Variants in XG observed in about 807,000 individuals in gnomAD.
The protein encoded by XG is Xg glycoprotein (Xg blood group).
XG carries 24 observed loss-of-function variants against 25.7 expected under a neutral mutation model. The ratio of observed to expected loss-of-function variants is 0.93; its 90% confidence interval spans 0.68 to 1.31. The LOEUF (loss-of-function observed/expected upper bound fraction) is 1.31, where lower values mean the gene tolerates loss of function less well. Ranked by LOEUF, XG falls within the 40% of genes most tolerant of loss-of-function variation. The probability of loss-of-function intolerance (pLI) is 0.00; values close to 1 mark genes in which losing one functional copy is unlikely to be tolerated. For synonymous variants in XG, 77 were observed against 69.2 expected (o/e 1.11, Z -0.56); for missense variants, 181 against 187.6 (o/e 0.96, Z 0.21).
chrX:2,781,792 A>G, intron 3 of XG, among the ~76,000 whole-genome samples: 1 of 112,395 alleles, frequency 8.9e-6, no homozygotes, highest in Middle Eastern at 4.6e-3. Context: ...ACTTGCTTCC[A>G]TCATGGCAGA....
chrX:2,800,785 C>T (rs1415097943), intron 7 of XG, among the ~76,000 whole-genome samples: 1 of 110,966 alleles, frequency 9.0e-6, no homozygotes, highest in Non-Finnish European at 1.9e-5. Flanking sequence ...TTCAGGAGTT[C>T]AAGACCAGCC....
chrX:2,801,326 AGAGAGAGAGG>A (rs1230003163), intron 7 of XG, among the ~76,000 whole-genome samples: 1 of 109,362 alleles, frequency 9.1e-6, no homozygotes, highest in Non-Finnish European at 1.9e-5. Flanking sequence ...GCTCCTTGCA[AGAGAGAGAGG>A]GAGAGAGAGA....
chrX:2,808,292 T>C, intron 9 of XG, 72 bp downstream of exon 9: 1 of 1,140,554 alleles, frequency 8.8e-7, no homozygotes, highest in East Asian at 3.0e-5. Context: ...TGGGAGGAGC[T>C]GTGTGGGCTT....
At chrX:2,760,411 T>C (rs1330354270) in intron 1 of XG, among the ~76,000 whole-genome samples, 1 of 151,818 alleles carries the variant, frequency 6.6e-6, no homozygotes, top group African/African-American at 2.4e-5. Context: ...GGACCTCCAA[T>C]TGTGACTGTG....
At chrX:2,760,968 C>A (rs1421392131) in intron 1 of XG, among the ~76,000 whole-genome samples, 1 of 151,616 alleles carries the variant, frequency 6.6e-6, no homozygotes, top group Non-Finnish European at 1.5e-5. Flanking sequence ...AGCTTCCAGG[C>A]CTGTGGGAGA....
chrX:2,792,033 A>C (rs760116339), intron 5 of XG, among the ~76,000 whole-genome samples: 257 of 111,211 alleles, frequency 2.3e-3, no homozygotes, highest in Middle Eastern at 4.7e-3. Flanking sequence ...AGGTAATCCC[A>C]GCACTTTGGG....
At chrX:2,792,174 T>C (rs2086843389) in intron 5 of XG, among the ~76,000 whole-genome samples, 1 of 111,201 alleles carries the variant, frequency 9.0e-6, no homozygotes, top group Admixed American at 9.6e-5. Flanking sequence ...CACAACTACT[T>C]GAGAGGCTGA....
rs774338316 is a variant in XG, at chrX:2,760,443, G to C, written c.61+8108G>C. Among the ~76,000 whole-genome samples the C allele has an allele frequency of 1.3e-3, 200 of 151,918 alleles. 1 individual carries two copies. The highest frequency in any genetic ancestry group is 4.6e-3 in the African/African-American group (192 of 41,468). On this transcript the variant is annotated intron_variant, in intron 1 of 10. Transcript: ENST00000644266. ...TGTGTTTGGAGATGGGGTCTTTAAAGAGGTGATTCAGGCTGGGTGCGGTGG... is the reference window on the plus strand; with the variant it reads ...TGTGTTTGGAGATGGGGTCTTTAAACAGGTGATTCAGGCTGGGTGCGGTGG...
At chrX:2,806,976 C>G (rs2087003336) in intron 8 of XG, among the ~76,000 whole-genome samples, 1 of 102,070 alleles carries the variant, frequency 9.8e-6, no homozygotes, top group Admixed American at 1.1e-4. Context: ...ACAGGTGTTA[C>G]TGGGTGCATG....
Position 2,752,126 on chromosome X carries a change from G to A in XG, c.-149G>A. 1 of 1,419,784 alleles carries A rather than the reference G, an allele frequency of 7.0e-7. No homozygotes were observed. Among genetic ancestry groups the A allele is most frequent in the Non-Finnish European group, 9.6e-7 (1 of 1,044,350 alleles). The allele number at this position is 1,419,784 out of a possible 1,614,324, so 87.9% of individuals were successfully genotyped here. On this transcript the variant is annotated 5_prime_UTR_variant, in exon 1 of 11. Transcript: ENST00000644266. ...GCTTGGAGCCCATTTGTTTCTGGCA[G>A]TTCCGCTCATATTTTCCACTTGAAG...
chrX:2,785,599 C>T (rs1300979958), intron 4 of XG, among the ~76,000 whole-genome samples: 1 of 110,806 alleles, frequency 9.0e-6, no homozygotes, highest in African/African-American at 3.3e-5. Context: ...AACATCAGAA[C>T]ATGGAGTATT....
intron 6 of XG, among the ~76,000 whole-genome samples, chrX:2,795,443 TTATA>T (rs1337813827): frequency 9.4e-6 from 1 of 106,084 alleles, no homozygotes; most frequent in Non-Finnish European, 1.9e-5. Context: ...GTGCCTTTAT[TTATA>T]TATGTATATA....
intron 1 of XG, among the ~76,000 whole-genome samples, chrX:2,762,841 C>T (rs1454924520): frequency 6.6e-6 from 1 of 152,132 alleles, no homozygotes; most frequent in Non-Finnish European, 1.5e-5. Flanking sequence ...GCCAGGCACT[C>T]TCCCTAGCAT....
intron 5 of XG, among the ~76,000 whole-genome samples, chrX:2,793,651 T>C (rs1304333975): frequency 9.0e-6 from 1 of 111,511 alleles, no homozygotes; most frequent in African/African-American, 3.3e-5. Flanking sequence ...CAGGAATGAA[T>C]GGATGAAACA....
chrX:2,785,128 A>G (rs2086771661), intron 4 of XG, among the ~76,000 whole-genome samples: 1 of 112,222 alleles, frequency 8.9e-6, no homozygotes, highest in Admixed American at 9.5e-5. Context: ...ACAGGAAGAT[A>G]CGAGACAACT....
intron 7 of XG, among the ~76,000 whole-genome samples, chrX:2,806,212 A>G (rs2147092572): frequency 9.2e-6 from 1 of 108,938 alleles, no homozygotes; most frequent in East Asian, 2.9e-4. Context: ...TTTTTTTTTA[A>G]GTAGAAACGG....
In XG at chrX:2,773,442, G is replaced by C. The variant is rs1185530459; in HGVS notation, c.104-1274G>C. 2.7e-5 allele frequency among the ~76,000 whole-genome samples: 4 copies of C among 146,638 alleles called. No individual in the cohort carries two copies. In the East Asian group the frequency reaches 8.3e-4, roughly 30 times the overall value. ...TGGAGGGGAGGAAGGAAGAAAGGAG[G>C]GTGGGGAGGAAGGAAAGAAGAAGGG... On this transcript the variant is annotated intron_variant, in intron 2 of 10. Coordinates refer to ENST00000644266, the MANE Select transcript of XG (RefSeq NM_001141919.2).
intron 1 of XG, among the ~76,000 whole-genome samples, chrX:2,765,547 C>G: frequency 6.6e-6 from 1 of 152,294 alleles, no homozygotes; most frequent in Middle Eastern, 3.4e-3. Context: ...GCAGTTGGCT[C>G]TAATTCAGTT....
intron 3 of XG, among the ~76,000 whole-genome samples, chrX:2,778,309 G>A (rs1270984724): frequency 1.3e-5 from 2 of 152,224 alleles, no homozygotes; most frequent in Non-Finnish European, 2.9e-5. Context: ...TTGGGAGGCT[G>A]AGACTGGCTG....
Sources: allele counts gnomAD v4.1 joint callset (sites outside exome capture counted in the v4.1 genomes callset), GRCh38; gene constraint gnomAD v4.1.1; transcripts MANE v1.5; gene names NCBI Gene and HGNC (gene_info 2026-07-23, HGNC 2026-07-21).